The following SLC25A21 variants were observed in gnomAD, a reference collection of about 807,000 sequenced individuals.
The protein encoded by SLC25A21 is solute carrier family 25 member 21.
SLC25A21 carries 47 observed loss-of-function variants against 43.8 expected under a neutral mutation model. That is an observed-to-expected ratio of 1.07 (90% CI 0.85 to 1.37). The LOEUF is 1.37. SLC25A21 is among the 40% of genes most tolerant of loss of function. The pLI is 0.00. For synonymous variants in SLC25A21, 131 were observed against 121.3 expected (o/e 1.08, Z -0.52); for missense variants, 352 against 350.2 (o/e 1.00, Z -0.04).
At chr14:36,850,774 G>T (rs1377674554) in intron 2 of SLC25A21, among the ~76,000 whole-genome samples, 1 of 152,112 alleles carries the variant, frequency 6.6e-6, no homozygotes, top group Non-Finnish European at 1.5e-5. Flanking sequence ...ACACTATCCA[G>T]CCAAGAAGAG....
intron 1 of SLC25A21, among the ~76,000 whole-genome samples, chr14:37,063,717 G>A (rs1962000501): frequency 6.6e-6 from 1 of 152,188 alleles, no homozygotes; most frequent in East Asian, 1.9e-4. Context: ...TGGAAAGCAG[G>A]CCTCCTGGAA....
At chr14:37,163,215 G>A (rs1487289997) in intron 1 of SLC25A21, among the ~76,000 whole-genome samples, 11 of 151,548 alleles carry the variant, frequency 7.3e-5, no homozygotes, top group African/African-American at 1.5e-4. Flanking sequence ...TGGGTGCAGC[G>A]CACCAGCATG....
chr14:36,740,857 A>G (rs1437197989), intron 3 of SLC25A21, among the ~76,000 whole-genome samples: 1 of 152,150 alleles, frequency 6.6e-6, no homozygotes, highest in Non-Finnish European at 1.5e-5. Flanking sequence ...CCTGTTTTTA[A>G]GTCTAAATTT....
intron 1 of SLC25A21, among the ~76,000 whole-genome samples, chr14:37,147,227 A>G (rs1963681191): frequency 6.6e-6 from 1 of 152,262 alleles, no homozygotes; most frequent in Non-Finnish European, 1.5e-5. Context: ...CAGCGTTATT[A>G]AAATTTACTT....
chr14:36,771,772 T>C (rs1886629267), intron 3 of SLC25A21, among the ~76,000 whole-genome samples: 2 of 151,752 alleles, frequency 1.3e-5, no homozygotes, highest in African/African-American at 2.4e-5. Context: ...AAAAAACTAC[T>C]GTCTCCATCA....
chr14:36,939,344 A>G (rs1892501334), intron 1 of SLC25A21, among the ~76,000 whole-genome samples: 1 of 152,204 alleles, frequency 6.6e-6, no homozygotes, highest in Admixed American at 6.5e-5. Flanking sequence ...TCTATCATGC[A>G]TATTTTCTTT....
intron 1 of SLC25A21, among the ~76,000 whole-genome samples, chr14:37,125,691 A>G (rs1963285314): frequency 6.6e-6 from 1 of 152,204 alleles, no homozygotes; most frequent in South Asian, 2.1e-4. Context: ...TTTCTTTTAA[A>G]AAAGCATTAT....
chr14:36,679,629 A>C lies in SLC25A21; in HGVS notation c.*1029T>G. The C allele has an allele frequency of 1.0e-6, 1 of 985,404 alleles. No individual in the cohort carries two copies. Among genetic ancestry groups the C allele is most frequent in the Non-Finnish European group, 1.2e-6 (1 of 829,896 alleles). The allele number at this position is 985,404 out of a possible 1,614,324, so 61.0% of individuals were successfully genotyped here. On this transcript the variant is annotated 3_prime_UTR_variant, in exon 10 of 10. Coordinates refer to ENST00000331299, the MANE Select transcript of SLC25A21 (RefSeq NM_030631.4). ...TTCTTTTTCAGAACATTTCCCCTTC[A>C]TCATACATATTTTAATACTGCAGAC... is the stretch of plus-strand genomic sequence containing the variant.
intron 1 of SLC25A21, among the ~76,000 whole-genome samples, chr14:36,978,353 T>C (rs1959930251): frequency 1.3e-5 from 2 of 152,230 alleles, no homozygotes; most frequent in African/African-American, 4.8e-5. Flanking sequence ...TATACTATAG[T>C]CTATTAAGTG....
At chr14:36,935,869 T>C (rs1274294239) in intron 1 of SLC25A21, among the ~76,000 whole-genome samples, 1 of 152,186 alleles carries the variant, frequency 6.6e-6, no homozygotes, top group Non-Finnish European at 1.5e-5. Flanking sequence ...TTTTAAAACT[T>C]TCCTTTGCAT....
intron 2 of SLC25A21, among the ~76,000 whole-genome samples, chr14:36,818,168 G>A (rs1347592359): frequency 6.6e-6 from 1 of 152,090 alleles, no homozygotes; most frequent in Non-Finnish European, 1.5e-5. Context: ...ACTCTTATTG[G>A]GGATGATCGG....
chr14:37,063,552 A>G (rs1961995662), intron 1 of SLC25A21, among the ~76,000 whole-genome samples: 1 of 152,030 alleles, frequency 6.6e-6, no homozygotes. Flanking sequence ...TAGAACAGGA[A>G]AACATTACTG....
chr14:36,707,585 T>G (rs970697197), intron 7 of SLC25A21, among the ~76,000 whole-genome samples: 3 of 152,180 alleles, frequency 2.0e-5, no homozygotes, highest in Admixed American at 6.5e-5. Flanking sequence ...TAGTATAATC[T>G]GGGCATGGGA....
At position 36,776,932 on chromosome 14, in the gene SLC25A21, T is replaced by C. The variant is rs536290307; in HGVS notation, c.203+36986A>G. Among the ~76,000 whole-genome samples, 7 of 152,174 alleles carry C rather than the reference T, an allele frequency of 4.6e-5. No homozygotes were observed. The East Asian group carries it at 7.8e-4, about 17-fold the overall frequency. On this transcript the variant is annotated intron_variant, in intron 3 of 9. Coordinates refer to ENST00000331299, the MANE Select transcript of SLC25A21 (RefSeq NM_030631.4). ...TTGTTGGCTCATGCTTCCTGAGAGG[T>C]CTTGATCTGCCAATTATCCCCTTTC...
intron 6 of SLC25A21, among the ~76,000 whole-genome samples, chr14:36,717,164 G>A (rs901488963): frequency 1.3e-5 from 2 of 152,070 alleles, no homozygotes; most frequent in African/African-American, 4.8e-5. Flanking sequence ...ACTCAAATGA[G>A]GTCTTGAAGC....
chr14:37,057,804 C>T (rs558736733), intron 1 of SLC25A21, among the ~76,000 whole-genome samples: 3 of 152,126 alleles, frequency 2.0e-5, no homozygotes, highest in Non-Finnish European at 4.4e-5. Flanking sequence ...ATTTTGAGAG[C>T]GTTTTCCCTT....
At chr14:37,129,460 C>G (rs1963355882) in intron 1 of SLC25A21, among the ~76,000 whole-genome samples, 1 of 152,072 alleles carries the variant, frequency 6.6e-6, no homozygotes, top group African/African-American at 2.4e-5. Context: ...TCCCGATTTA[C>G]CCAGTGTTCC....
chr14:36,859,727 A>T (rs1006570311), intron 2 of SLC25A21, among the ~76,000 whole-genome samples: 1 of 152,232 alleles, frequency 6.6e-6, no homozygotes, highest in Admixed American at 6.5e-5. Flanking sequence ...ACACAAATGC[A>T]ACTTAGGCTT....
Position 36,680,601 on chromosome 14 carries a change from A to T in SLC25A21, c.*57T>A. ...GGCCGATCGATAGTCTCTCTTCTTC[A>T]TGGTGCTGCATAGCAAATATCCATT... On this transcript the variant is annotated 3_prime_UTR_variant, in exon 10 of 10. Coordinates refer to ENST00000331299, the MANE Select transcript of SLC25A21 (RefSeq NM_030631.4). 6.3e-7 allele frequency: 1 copy of T among 1,576,034 alleles called. No individual in the cohort carries two copies. Among genetic ancestry groups the T allele is most frequent in the Non-Finnish European group, 8.6e-7 (1 of 1,161,796 alleles).
Sources: allele counts gnomAD v4.1 joint callset (sites outside exome capture counted in the v4.1 genomes callset), GRCh38; gene constraint gnomAD v4.1.1; transcripts MANE v1.5; gene names NCBI Gene and HGNC (gene_info 2026-07-23, HGNC 2026-07-21).